The following MYO3B variants were observed in gnomAD, a reference collection of about 807,000 sequenced individuals.
The protein encoded by MYO3B is myosin-IIIb.
MYO3B carries 156 observed loss-of-function variants against 174.6 expected under a neutral mutation model. The observed-to-expected ratio is 0.89, with a 90% CI of 0.78 to 1.02. The LOEUF is 1.02. MYO3B is among the 50% of genes least tolerant of loss of function. The pLI is 0.00. For synonymous variants in MYO3B, 563 were observed against 569.1 expected, an observed-to-expected ratio of 0.99 and a Z score of 0.15; for missense variants, 1,632 against 1,639.4, an observed-to-expected ratio of 1.00 and a Z score of 0.08.
intron 32 of MYO3B, among the ~76,000 whole-genome samples, chr2:170,595,354 A>C (rs1694078279): frequency 6.6e-6 from 1 of 152,124 alleles, no homozygotes; most frequent in Non-Finnish European, 1.5e-5. Context: ...CTGAATTACG[A>C]GGTAGAAGCC....
At chr2:170,270,224 A>G (rs1008825689) in intron 7 of MYO3B, among the ~76,000 whole-genome samples, 1 of 152,192 alleles carries the variant, frequency 6.6e-6, no homozygotes, top group African/African-American at 2.4e-5. Flanking sequence ...ATATTTATAT[A>G]TTACTTGTGT....
In MYO3B at chr2:170,244,277, T is replaced by A. The variant is rs80123773; in HGVS notation, c.749+8141T>A. On this transcript the variant is annotated intron_variant, in intron 7 of 34. Coordinates refer to ENST00000408978, the MANE Select transcript of MYO3B (RefSeq NM_138995.5). ...GCAGATAAAGGGACAATAGCAAGAG[T>A]TCTAAACTTAGGGTCATTGATTCAA... Among the ~76,000 whole-genome samples, 1,390 of 152,058 alleles carry A rather than the reference T, an allele frequency of 9.1e-3. 39 individuals carry two copies. Among genetic ancestry groups the A allele is most frequent in the East Asian group, 0.086 (448 of 5,188 alleles).
At chr2:170,266,303 A>G (rs989058049) in intron 7 of MYO3B, among the ~76,000 whole-genome samples, 14 of 152,164 alleles carry the variant, frequency 9.2e-5, no homozygotes, top group Admixed American at 1.3e-4. Flanking sequence ...AAAACTAAAC[A>G]GTTCTAAACT....
At chr2:170,247,689 G>T (rs981607372) in intron 7 of MYO3B, among the ~76,000 whole-genome samples, 1 of 152,148 alleles carries the variant, frequency 6.6e-6, no homozygotes, top group African/African-American at 2.4e-5. Flanking sequence ...TCACTTTCTG[G>T]TTCATAGATG....
At chr2:170,199,660 T>C (rs2105336298) in intron 2 of MYO3B, among the ~76,000 whole-genome samples, 1 of 152,338 alleles carries the variant, frequency 6.6e-6, no homozygotes, top group East Asian at 1.9e-4. Flanking sequence ...TAATATATTT[T>C]ACTACCTGGT....
chr2:170,316,748 C>A (rs190807963), intron 7 of MYO3B, among the ~76,000 whole-genome samples: 19 of 152,322 alleles, frequency 1.2e-4, no homozygotes, highest in African/African-American at 4.3e-4. Context: ...GTTATGGTCA[C>A]ATTCTAATTC....
chr2:170,391,725 A>G (rs1329529661), intron 15 of MYO3B, 107 bp downstream of exon 15: 2 of 682,260 alleles, frequency 2.9e-6, no homozygotes, highest in Non-Finnish European at 5.0e-6. Context: ...CTCACAGTCT[A>G]TTTAACTAAA....
rs997388112 is a variant in MYO3B at position 170,499,589 on chromosome 2, G to C, written c.3127-57G>C. ...TTTTCATTTAGAATATGCTGTAGTA[G>C]AGTGAATTTCTGTTGAGGAACCCAT... On this transcript the variant is annotated intron_variant, in intron 26 of 34. Coordinates refer to ENST00000408978, the MANE Select transcript of MYO3B (RefSeq NM_138995.5). 7.5e-6 allele frequency: 11 copies of C among 1,473,504 alleles called. No individual in the cohort carries two copies. The Admixed American group carries it at 1.5e-4, about 21-fold the overall frequency. The allele number at this position is 1,473,504 out of a possible 1,614,324, so 91.3% of individuals were successfully genotyped here. A position where few individuals can be genotyped will look rare whatever the true frequency, so the allele number is the denominator to read the frequency against.
intron 3 of MYO3B, among the ~76,000 whole-genome samples, chr2:170,211,573 C>T (rs978376175): frequency 2.6e-5 from 4 of 152,036 alleles, no homozygotes; most frequent in Admixed American, 6.6e-5. Flanking sequence ...TAGAGGTAAC[C>T]CAGTGAAAGG....
intron 3 of MYO3B, among the ~76,000 whole-genome samples, chr2:170,212,874 T>C (rs1414158573): frequency 6.6e-6 from 1 of 152,218 alleles, no homozygotes; most frequent in Non-Finnish European, 1.5e-5. Context: ...ACAAAGCATC[T>C]GATGTAAACA....
intron 17 of MYO3B, 46 bp from the exon 18 acceptor site, chr2:170,401,435 A>T (rs7568041): frequency 0.29 from 444,156 of 1,548,792 alleles, 65,621 homozygotes; most frequent in Non-Finnish European, 0.3. Context: ...GACTGACTGA[A>T]TGAAGGTCTG....
intron 2 of MYO3B, among the ~76,000 whole-genome samples, 162 bp downstream of exon 2, chr2:170,199,553 G>A (rs2092638758): frequency 6.6e-6 from 1 of 152,174 alleles, no homozygotes; most frequent in African/African-American, 2.4e-5. Flanking sequence ...ACTCCACTTG[G>A]AGTTAAAGCT....
In MYO3B at chr2:170,178,190, A is replaced by G; in HGVS notation, c.-98A>G. On this transcript the variant is annotated 5_prime_UTR_variant, in exon 1 of 35. Transcript: ENST00000408978. ...TAATGATGTGTCATACATTCTAGTC[A>G]TCAAAGACACCATTTTCTGGGCCTG... is the stretch of plus-strand genomic sequence containing the variant. The G allele has an allele frequency of 6.1e-6, 9 of 1,480,704 alleles. No individual in the cohort carries two copies. Among genetic ancestry groups the G allele is most frequent in the East Asian group, 2.3e-5 (1 of 44,184 alleles). The allele number at this position is 1,480,704 out of a possible 1,614,324, so 91.7% of individuals were successfully genotyped here. A position where few individuals can be genotyped will look rare whatever the true frequency, so the allele number is the denominator to read the frequency against.
intron 8 of MYO3B, among the ~76,000 whole-genome samples, chr2:170,359,228 A>G (rs2094143720): frequency 6.6e-6 from 1 of 152,214 alleles, no homozygotes; most frequent in African/African-American, 2.4e-5. Flanking sequence ...ACAAACATTT[A>G]GCTACAGGCC....
intron 32 of MYO3B, among the ~76,000 whole-genome samples, chr2:170,556,583 A>G (rs1054459614): frequency 6.6e-6 from 1 of 151,810 alleles, no homozygotes; most frequent in African/African-American, 2.4e-5. Context: ...GTACAATGGC[A>G]CGATCTTGGC....
chr2:170,532,658 C>CA (rs1052532198), intron 30 of MYO3B, among the ~76,000 whole-genome samples: 25 of 151,292 alleles, frequency 1.7e-4, no homozygotes, highest in Non-Finnish European at 3.5e-4. Flanking sequence ...ACTAAAACTA[C>CA]AAAAAAAATT....
At chr2:170,224,959 A>G (rs992717133) in intron 6 of MYO3B, among the ~76,000 whole-genome samples, 1 of 152,244 alleles carries the variant, frequency 6.6e-6, no homozygotes, top group Non-Finnish European at 1.5e-5. Flanking sequence ...AAATGATACG[A>G]TAATGCTATT....
rs1260574050 is a variant in MYO3B at position 170,199,201 on chromosome 2, C to T, written c.3-7C>T. The T allele has an allele frequency of 1.3e-6, 2 of 1,579,234 alleles. No homozygotes were observed. Among genetic ancestry groups the T allele is most frequent in the Middle Eastern group, 1.7e-4 (1 of 5,892 alleles). On this transcript the variant is annotated splice_polypyrimidine_tract_variant and splice_region_variant and intron_variant, in intron 1 of 34. Coordinates refer to ENST00000408978, the MANE Select transcript of MYO3B (RefSeq NM_138995.5). ...TGTTGCACATAACAAATTTTTCCCC[C>T]AACCAGGAAACATCTGTATGGATTA...
At chr2:170,317,936 C>T (rs1433645847) in intron 7 of MYO3B, among the ~76,000 whole-genome samples, 1 of 152,056 alleles carries the variant, frequency 6.6e-6, no homozygotes, top group African/African-American at 2.4e-5. Flanking sequence ...TCATGGGACG[C>T]ATTGAAAAAC....
Sources: allele counts gnomAD v4.1 joint callset (sites outside exome capture counted in the v4.1 genomes callset), GRCh38; gene constraint gnomAD v4.1.1; transcripts MANE v1.5; gene names NCBI Gene and HGNC (gene_info 2026-07-23, HGNC 2026-07-21).